TACC2: variants seen among roughly 807,000 people sequenced by gnomAD.
TACC2 encodes the protein transforming acidic coiled-coil-containing protein 2.
Under a neutral mutation model 227.3 loss-of-function variants are expected in TACC2, and 137 were observed. The ratio of observed to expected loss-of-function variants is 0.60; its 90% confidence interval spans 0.52 to 0.69. The LOEUF (loss-of-function observed/expected upper bound fraction) is 0.69. Among genes scored for constraint, TACC2 ranks in the 30% least tolerant of loss-of-function variants. The pLI, the probability that TACC2 is intolerant of heterozygous loss-of-function variation, is 0.00. For missense variants in TACC2, 3,470 were observed against 3,694.4 expected (o/e 0.94, Z 1.57); for synonymous variants, 1,523 against 1,487.5 (o/e 1.02, Z -0.55).
At chr10:122,224,120 T>C (rs758520508) in intron 11 of TACC2, among the ~76,000 whole-genome samples, 1 of 152,214 alleles carries the variant, frequency 6.6e-6, no homozygotes, top group African/African-American at 2.4e-5. Context: ...TCTCCACCCA[T>C]TGGACTTTAC....
At chr10:121,994,123 T>A (rs1271520104) in intron 1 of TACC2, among the ~76,000 whole-genome samples, 2 of 152,216 alleles carry the variant, frequency 1.3e-5, no homozygotes, top group Non-Finnish European at 2.9e-5. Context: ...GATGAAACTG[T>A]AGGTGACATG....
intron 7 of TACC2, among the ~76,000 whole-genome samples, chr10:122,155,523 T>A (rs968889843): frequency 2.0e-5 from 3 of 152,214 alleles, no homozygotes; most frequent in African/African-American, 7.2e-5. Flanking sequence ...ATAACATTGG[T>A]TATGTTTTTG....
intron 5 of TACC2, among the ~76,000 whole-genome samples, chr10:122,115,123 G>A (rs1477084854): frequency 6.6e-6 from 1 of 152,206 alleles, no homozygotes; most frequent in Non-Finnish European, 1.5e-5. Context: ...GGTTATTTGT[G>A]TTTGATGCTT....
chr10:122,153,349 T>C (rs968850229), intron 7 of TACC2, among the ~76,000 whole-genome samples: 4 of 152,236 alleles, frequency 2.6e-5, no homozygotes, highest in African/African-American at 9.6e-5. Context: ...ATATTTTTGT[T>C]GTGCCCATTT....
Position 122,216,809 on chromosome 10 carries a change from A to T in TACC2, c.7527A>T (p.Lys2509Asn). The change falls in exon 11 of 23, where the codon AAA becomes AAT. Residue 2509 changes from lysine to asparagine, a missense_variant. This residue lies in a region of TACC2 where 345 missense variants were observed against 354.4 expected (regional missense o/e 0.97). Transcript: ENST00000369005. ...TGTCCACCTTTGTAAACGAGACCAA[A>T]TTCAGTTCACCCACTGAGGGTAAGC... ...SDLSTFVNETKFSSPTEELDY... is the reference protein window; with the variant it reads ...SDLSTFVNETNFSSPTEELDY... The T allele has an allele frequency of 6.2e-7, 1 of 1,614,080 alleles. No individual in the cohort carries two copies. The highest frequency in any genetic ancestry group is 1.3e-5 in the African/African-American group (1 of 75,000).
chr10:122,080,364 C>T (rs2079329672), intron 3 of TACC2, among the ~76,000 whole-genome samples: 1 of 151,990 alleles, frequency 6.6e-6, no homozygotes, highest in African/African-American at 2.4e-5. Context: ...TCCTGAGTAG[C>T]TGGGACTACA....
intron 6 of TACC2, among the ~76,000 whole-genome samples, chr10:122,138,325 T>C (rs2090019951): frequency 6.6e-6 from 1 of 152,172 alleles, no homozygotes; most frequent in Non-Finnish European, 1.5e-5. Flanking sequence ...CTGGCCAACA[T>C]GGCAAAATCT....
In TACC2 at chr10:122,216,706, C is replaced by T; in HGVS notation, c.7424C>T (p.Ala2475Val). Residue 2475 changes from alanine to valine, a missense_variant, in exon 11 of 23, where the codon GCG (alanine) becomes GTG (valine). Physicochemically the swap from Ala to Val is moderately conservative, Grantham distance 64. Coordinates refer to ENST00000369005, the MANE Select transcript of TACC2 (RefSeq NM_206862.4). ...VVHATDEEKL[A>V]VTNQKWTCMT... ...CACGCCACAGATGAGGAAAAGCTGG[C>T]GGTCACCAACCAGAAGTGGACGTGC... is the stretch of plus-strand genomic sequence containing the variant. 1 of 1,614,086 alleles carries T rather than the reference C, an allele frequency of 6.2e-7. No individual in the cohort carries two copies. The highest frequency in any genetic ancestry group is 8.5e-7 in the Non-Finnish European group (1 of 1,180,024).
At chr10:122,163,559 A>T in intron 7 of TACC2, 1 of 993,138 alleles carries the variant, frequency 1.0e-6, no homozygotes, top group Non-Finnish European at 1.2e-6. Flanking sequence ...GGCGATGATG[A>T]CATCATCGTG....
chr10:122,121,706 G>GAAA (rs1555048410), intron 5 of TACC2, among the ~76,000 whole-genome samples: 101,253 of 152,034 alleles, frequency 0.67, 37,462 homozygotes, highest in South Asian at 0.82. Context: ...TTGGCTTCTG[G>GAAA]GCCTGGGCCT....
At position 122,088,606 on chromosome 10, in the gene TACC2, T is replaced by C. The variant is rs774362997; in HGVS notation, c.5573+15T>C. ...GGAACAGAAAGGTCAGCGAAAGATA[T>C]TGGTCTTTGGAAGGCCATGATGCCT... On this transcript the variant is annotated intron_variant, in intron 5 of 22. Coordinates refer to ENST00000369005, the MANE Select transcript of TACC2 (RefSeq NM_206862.4). 1.6e-5 allele frequency: 26 copies of C among 1,608,356 alleles called. No individual in the cohort carries two copies. Among genetic ancestry groups the C allele is most frequent in the African/African-American group, 5.3e-5 (4 of 74,822 alleles).
chr10:122,175,667 G>A (rs2093662094), intron 7 of TACC2, among the ~76,000 whole-genome samples: 1 of 152,216 alleles, frequency 6.6e-6, no homozygotes, highest in African/African-American at 2.4e-5. Flanking sequence ...AGGTGTAGGG[G>A]TGACCAGGTA....
chr10:122,233,949 T>C (rs955078811), intron 16 of TACC2, among the ~76,000 whole-genome samples: 5 of 152,188 alleles, frequency 3.3e-5, no homozygotes, highest in African/African-American at 1.2e-4. Context: ...GCCACTCTCC[T>C]GCGCGGGTGG....
chr10:122,075,188 C>CA (rs74264562), intron 3 of TACC2, among the ~76,000 whole-genome samples: 9 of 142,616 alleles, frequency 6.3e-5, no homozygotes, highest in African/African-American at 2.4e-4. Flanking sequence ...ATCTTGCTGC[C>CA]AAAAAAAAAA....
chr10:122,223,057 T>C, intron 11 of TACC2, among the ~76,000 whole-genome samples: 1 of 146,476 alleles, frequency 6.8e-6, no homozygotes, highest in Non-Finnish European at 1.5e-5. Flanking sequence ...CTCTCTCTTT[T>C]TTTTTTTTTT....
intron 7 of TACC2, among the ~76,000 whole-genome samples, chr10:122,181,587 TACTC>T (rs1221274270): frequency 1.1e-4 from 17 of 152,336 alleles, no homozygotes; most frequent in Admixed American, 1.0e-3. Context: ...TGTCCAAAGT[TACTC>T]ACCTCTCATG....
chr10:122,121,314 A>G (rs938454511), intron 5 of TACC2, among the ~76,000 whole-genome samples: 2 of 152,236 alleles, frequency 1.3e-5, no homozygotes, highest in African/African-American at 2.4e-5. Context: ...AAACATTCGC[A>G]TGACTGGTCA....
intron 8 of TACC2, among the ~76,000 whole-genome samples, chr10:122,206,252 C>G (rs2140943381): frequency 6.6e-6 from 1 of 152,340 alleles, no homozygotes; most frequent in East Asian, 1.9e-4. Context: ...TGTCTCTTTC[C>G]TGGGAGCCCC....
At chr10:122,110,460 C>T (rs768773029) in intron 5 of TACC2, among the ~76,000 whole-genome samples, 3 of 152,122 alleles carry the variant, frequency 2.0e-5, no homozygotes, top group Non-Finnish European at 4.4e-5. Flanking sequence ...GTATTTCTGT[C>T]GTGTGGCAGG....
Sources: allele counts gnomAD v4.1 joint callset (sites outside exome capture counted in the v4.1 genomes callset), GRCh38; gene constraint gnomAD v4.1.1; regional missense constraint gnomAD v4.1.1; transcripts MANE v1.5; gene names NCBI Gene and HGNC (gene_info 2026-07-23, HGNC 2026-07-21).